CCDC7: variants seen among roughly 807,000 people sequenced by gnomAD.
CCDC7 encodes coiled-coil domain-containing protein 7.
Under a neutral mutation model 196.9 loss-of-function variants are expected in CCDC7, and 183 were observed. That is an observed-to-expected ratio of 0.93 (90% CI 0.82 to 1.05). CCDC7 has a LOEUF of 1.05. Among genes scored for constraint, CCDC7 ranks in the 50% least tolerant of loss-of-function variants. CCDC7 has a pLI of 0.00. For missense variants in CCDC7, 1,540 were observed against 1,482.2 expected, an observed-to-expected ratio of 1.04 and a Z score of -0.64; for synonymous variants, 525 against 484.6, an observed-to-expected ratio of 1.08 and a Z score of -1.10.
At chr10:32,570,278 A>G (rs1056999619) in intron 15 of CCDC7, among the ~76,000 whole-genome samples, 1 of 152,096 alleles carries the variant, frequency 6.6e-6, no homozygotes, top group Non-Finnish European at 1.5e-5. Context: ...TCTTGATCCA[A>G]TTATTATCCA....
At chr10:32,639,439 G>T (rs1421612404) in intron 20 of CCDC7, among the ~76,000 whole-genome samples, 1 of 151,972 alleles carries the variant, frequency 6.6e-6, no homozygotes, top group Non-Finnish European at 1.5e-5. Context: ...TTGTGTCTTT[G>T]TTCTCGTTGG....
At chr10:32,698,087 G>A (rs1193375234) in intron 24 of CCDC7, among the ~76,000 whole-genome samples, 2 of 151,912 alleles carry the variant, frequency 1.3e-5, no homozygotes, top group Non-Finnish European at 2.9e-5. Flanking sequence ...CCTCCAGCAA[G>A]CTCCAGCAGA....
intron 24 of CCDC7, among the ~76,000 whole-genome samples, chr10:32,700,010 T>C (rs1479001888): frequency 6.0e-5 from 9 of 149,388 alleles, no homozygotes; most frequent in Non-Finnish European, 1.2e-4. Context: ...AGGTTGCCTG[T>C]TCACTCTGAT....
chr10:32,500,647 C>T (rs945573792), intron 9 of CCDC7, among the ~76,000 whole-genome samples: 9 of 152,072 alleles, frequency 5.9e-5, no homozygotes, highest in Non-Finnish European at 1.2e-4. Context: ...GATGGGGTGG[C>T]GGCCGGGCAG....
intron 25 of CCDC7, among the ~76,000 whole-genome samples, chr10:32,726,240 T>G (rs1383363344): frequency 6.6e-6 from 1 of 152,052 alleles, no homozygotes; most frequent in Non-Finnish European, 1.5e-5. Flanking sequence ...TAGAAACCTT[T>G]ATTATTTTTA....
intron 33 of CCDC7, among the ~76,000 whole-genome samples, chr10:32,838,360 T>C (rs1304213850): frequency 6.6e-6 from 1 of 151,998 alleles, no homozygotes; most frequent in Non-Finnish European, 1.5e-5. Context: ...GAAGTCTCCA[T>C]AATAGAACCG....
At chr10:32,717,799 C>A (rs1486559978) in intron 25 of CCDC7, among the ~76,000 whole-genome samples, 1 of 150,992 alleles carries the variant, frequency 6.6e-6, no homozygotes, top group African/African-American at 2.4e-5. Context: ...AATTCCTGGA[C>A]ACATACAGCT....
Position 32,605,562 on chromosome 10 carries a change from C to G in CCDC7, c.1801+21258C>G, listed in dbSNP as rs370048132. Among the ~76,000 whole-genome samples the G allele has an allele frequency of 1.1e-4, 16 of 152,250 alleles. No homozygotes were observed. The South Asian group carries it at 3.3e-3, about 32-fold the overall frequency. On this transcript the variant is annotated intron_variant, in intron 18 of 41. Transcript: ENST00000639629. ...TCCAGGCTGAGGAGGTCTCAAGATG[C>G]AAATGAGGAACTTATTGGAAACTAG... is the stretch of plus-strand genomic sequence containing the variant.
chr10:32,470,820 G>A (rs965703612), intron 5 of CCDC7, among the ~76,000 whole-genome samples: 5 of 152,010 alleles, frequency 3.3e-5, no homozygotes, highest in Admixed American at 1.3e-4. Context: ...ATATATTAAA[G>A]CAATAAACAG....
intron 28 of CCDC7, among the ~76,000 whole-genome samples, chr10:32,738,046 A>G (rs1390090846): frequency 6.6e-6 from 1 of 152,190 alleles, no homozygotes; most frequent in African/African-American, 2.4e-5. Flanking sequence ...TTGCTTCAAT[A>G]TCAACCGTAT....
intron 20 of CCDC7, among the ~76,000 whole-genome samples, chr10:32,661,425 C>G (rs991112715): frequency 1.3e-5 from 2 of 152,108 alleles, no homozygotes; most frequent in Admixed American, 1.3e-4. Flanking sequence ...AATTTTTCCT[C>G]TGTTTTTCTT....
intron 9 of CCDC7, among the ~76,000 whole-genome samples, chr10:32,495,080 C>T (rs78506956): frequency 0.086 from 13,061 of 152,146 alleles, 887 homozygotes; most frequent in South Asian, 0.25. Flanking sequence ...TTTTAATGAT[C>T]GCCATTCTAA....
intron 23 of CCDC7, among the ~76,000 whole-genome samples, chr10:32,692,933 CT>C (rs780195046): frequency 4.5e-4 from 69 of 152,254 alleles, no homozygotes; most frequent in Non-Finnish European, 7.2e-4. Flanking sequence ...GCTGAGTTAG[CT>C]GGAGCTCTGA....
chr10:32,575,248 A>G (rs2058058823), intron 16 of CCDC7, among the ~76,000 whole-genome samples: 1 of 152,176 alleles, frequency 6.6e-6, no homozygotes, highest in South Asian at 2.1e-4. Flanking sequence ...TTCAATTTTT[A>G]TCAAAATAAA....
intron 5 of CCDC7, among the ~76,000 whole-genome samples, chr10:32,466,810 A>T (rs911354523): frequency 1.3e-5 from 2 of 152,180 alleles, no homozygotes; most frequent in Non-Finnish European, 2.9e-5. Context: ...TGCTGGGTCA[A>T]ATGGTAGTTC....
At chr10:32,468,764 T>C (rs1262223010) in intron 5 of CCDC7, among the ~76,000 whole-genome samples, 1 of 152,122 alleles carries the variant, frequency 6.6e-6, no homozygotes, top group Admixed American at 6.5e-5. Flanking sequence ...GTTAGGAGTC[T>C]ACTGCTTCAA....
At chr10:32,770,410 T>G (rs2078997856) in intron 28 of CCDC7, among the ~76,000 whole-genome samples, 1 of 152,214 alleles carries the variant, frequency 6.6e-6, no homozygotes, top group African/African-American at 2.4e-5. Context: ...AATTTCCATG[T>G]ATTTGTATAG....
At chr10:32,849,917 AG>A (rs1009045307) in intron 39 of CCDC7, among the ~76,000 whole-genome samples, 7 of 152,176 alleles carry the variant, frequency 4.6e-5, no homozygotes, top group African/African-American at 1.4e-4. Flanking sequence ...CTGATTCTGC[AG>A]GGGGGAACTT....
intron 6 of CCDC7, among the ~76,000 whole-genome samples, chr10:32,471,567 C>G (rs1487690754): frequency 1.3e-5 from 2 of 152,084 alleles, no homozygotes; most frequent in African/African-American, 2.4e-5. Flanking sequence ...AAACTCTTCT[C>G]TCAGTTTGAT....
Sources: gnomAD v4.1 joint callset for allele counts (sites outside exome capture counted in the v4.1 genomes callset) on GRCh38, gnomAD v4.1.1 for gene constraint, MANE v1.5 for transcripts, NCBI Gene and HGNC (gene_info 2026-07-23, HGNC 2026-07-21) for gene names.